The following AKR1A1 variants were observed in gnomAD, a reference collection of about 807,000 sequenced individuals.
AKR1A1 encodes the protein aldo-keto reductase family 1 member A1.
In AKR1A1, 26 loss-of-function variants were observed where a neutral mutation model predicts 39.2. The observed-to-expected ratio is 0.66, with a 90% CI of 0.49 to 0.92. The LOEUF is 0.92. Ranked by LOEUF, AKR1A1 falls within the 40% of genes least tolerant of loss-of-function variation. The pLI is 0.00. For missense variants in AKR1A1, 378 were observed against 406.5 expected (o/e 0.93, Z 0.60); for synonymous variants, 141 against 155.5 (o/e 0.91, Z 0.69).
At chr1:45,555,275 G>A (rs1368581267) in intron 1 of AKR1A1, among the ~76,000 whole-genome samples, 2 of 152,166 alleles carry the variant, frequency 1.3e-5, no homozygotes, top group African/African-American at 4.8e-5. Context: ...ATCACCTGAG[G>A]TCGGGAGTTC....
chr1:45,555,082 G>A (rs1268973419), intron 1 of AKR1A1, among the ~76,000 whole-genome samples: 1 of 152,018 alleles, frequency 6.6e-6, no homozygotes, highest in East Asian at 1.9e-4. Flanking sequence ...TTGGTCTTTT[G>A]GTGAGATAGA....
chr1:45,551,737 T>C (rs1325478929), intron 1 of AKR1A1, among the ~76,000 whole-genome samples: 2 of 152,250 alleles, frequency 1.3e-5, no homozygotes, highest in Non-Finnish European at 2.9e-5. Context: ...AAGATCTGTT[T>C]CCTTATCTTT....
intron 2 of AKR1A1, among the ~76,000 whole-genome samples, chr1:45,562,775 G>T (rs956458875): frequency 6.6e-6 from 1 of 151,956 alleles, no homozygotes; most frequent in Non-Finnish European, 1.5e-5. Context: ...CTCCCAAAGT[G>T]CTGGGATTAC....
intron 2 of AKR1A1, among the ~76,000 whole-genome samples, 173 bp from the exon 3 acceptor site, chr1:45,566,396 G>A (rs1644343843): frequency 6.6e-6 from 1 of 151,794 alleles, no homozygotes; most frequent in Non-Finnish European, 1.5e-5. Context: ...CCAAAGTGCT[G>A]GGATTACAGG....
At chr1:45,565,917 A>C (rs1644337867) in intron 2 of AKR1A1, among the ~76,000 whole-genome samples, 1 of 151,716 alleles carries the variant, frequency 6.6e-6, no homozygotes, top group Non-Finnish European at 1.5e-5. Context: ...GCTCAGCCTG[A>C]AAAAATATTT....
intron 2 of AKR1A1, among the ~76,000 whole-genome samples, chr1:45,565,913 CCTGAAAAAATATTTACTGAAGCCCT>C (rs1311123013): frequency 6.6e-6 from 1 of 151,546 alleles, no homozygotes; most frequent in Non-Finnish European, 1.5e-5. Context: ...CTGTGCTCAG[CCTGAAAAAATATTTACTGAAGCCCT>C]CTTTATGGTA....
At position 45,566,830 on chromosome 1, in the gene AKR1A1, C is replaced by T. The variant is rs543831063; in HGVS notation, c.205-39C>T. ...TTGAGGGTGGGTGAGACCACGTGCT[C>T]ATGGCTCTTCTCACTGTGGGCCCTG... On this transcript the variant is annotated intron_variant, in intron 3 of 8. Transcript: ENST00000351829. The T allele has an allele frequency of 3.8e-5, 61 of 1,606,294 alleles. No individual in the cohort carries two copies. In the Middle Eastern group the frequency reaches 3.4e-3, roughly 91 times the overall value.
intron 1 of AKR1A1, among the ~76,000 whole-genome samples, chr1:45,556,536 G>A (rs893730920): frequency 4.0e-5 from 6 of 151,566 alleles, no homozygotes; most frequent in African/African-American, 9.7e-5. Context: ...AGCCAAGATC[G>A]TGCCACTGTA....
intron 1 of AKR1A1, among the ~76,000 whole-genome samples, chr1:45,556,694 C>T (rs1015787233): frequency 4.0e-5 from 6 of 150,142 alleles, no homozygotes; most frequent in Non-Finnish European, 7.4e-5. Context: ...CTGGCCAATA[C>T]AGTGAAACCC....
Position 45,568,584 on chromosome 1 carries a change from C to G in AKR1A1, c.652C>G (p.Arg218Gly). 6.2e-7 allele frequency: 1 copy of G among 1,613,946 alleles called. No homozygotes were observed. The highest frequency in any genetic ancestry group is 1.7e-5 in the Admixed American group (1 of 60,020). Residue 218 changes from arginine (R) to glycine (G), a missense_variant, in exon 6 of 9, where the codon CGT (arginine) becomes GGT (glycine). Transcript: ENST00000351829. The part of the protein sequence containing the change: ...TAYSPLGSSD[R>G]AWRDPDEPVL... ...TTATAGCCCTTTGGGCTCCTCTGATCGTGCATGGCGTGATCCTGATGAGCC... is the reference window on the plus strand; with the variant it reads ...TTATAGCCCTTTGGGCTCCTCTGATGGTGCATGGCGTGATCCTGATGAGCC...
At chr1:45,566,817 G>A in intron 3 of AKR1A1, 52 bp from the exon 4 acceptor site, 1 of 1,600,836 alleles carries the variant, frequency 6.2e-7, no homozygotes, top group South Asian at 1.1e-5. Context: ...GAGGGTGGGT[G>A]AGACCACGTG....
rs1199390467 is a variant in AKR1A1, at chr1:45,566,955, G to C, written c.291G>C (p.Lys97Asn). 6.2e-7 allele frequency: 1 copy of C among 1,613,930 alleles called. No individual in the cohort carries two copies. Among genetic ancestry groups the C allele is most frequent in the Non-Finnish European group, 8.5e-7 (1 of 1,179,988 alleles). The stretch of plus-strand genomic sequence containing the variant: ...AGGATGTGGAGCCTGCCCTCCGGAA[G>C]ACTCTGGCTGACCTCCAGCTGGAGT... ...HPEDVEPALR[K>N]TLADLQLEYL... Residue 97 changes from lysine (K) to asparagine (N), a missense_variant, in exon 4 of 9, where the codon AAG (lysine) becomes AAC (asparagine). Transcript: ENST00000351829.
In AKR1A1 at chr1:45,559,508, T is replaced by A. The variant is rs188161222; in HGVS notation, c.-6-2281T>A. Among the ~76,000 whole-genome samples, 12 of 152,312 alleles carry A rather than the reference T, an allele frequency of 7.9e-5. No individual in the cohort carries two copies. The East Asian group carries it at 2.3e-3, about 29-fold the overall frequency. On this transcript the variant is annotated intron_variant, in intron 1 of 8. Coordinates refer to ENST00000351829, the MANE Select transcript of AKR1A1 (RefSeq NM_153326.3). Reference sequence around the variant, plus strand: ...TGTCAATATTTCTTTGTCCTTGCCCTTTTCTGTAGTACATCATACTTGTGT... The same window carrying A: ...TGTCAATATTTCTTTGTCCTTGCCCATTTCTGTAGTACATCATACTTGTGT...
chr1:45,559,978 G>A lies in AKR1A1; in HGVS notation c.-6-1811G>A, dbSNP rs186747645. Among the ~76,000 whole-genome samples the A allele has an allele frequency of 3.0e-4, 44 of 148,598 alleles. 1 individual carries two copies. The Middle Eastern group carries it at 0.036, about 121-fold the overall frequency. On this transcript the variant is annotated intron_variant, in intron 1 of 8. Transcript: ENST00000351829. ...GCCACTTCTTAGCTGTTGATTTGGA[G>A]CAAATAACTTCACTTTTTTTTTTTT...
At chr1:45,565,761 C>T (rs1467261499) in intron 2 of AKR1A1, among the ~76,000 whole-genome samples, 1 of 152,020 alleles carries the variant, frequency 6.6e-6, no homozygotes, top group African/African-American at 2.4e-5. Context: ...AGGCGTGAGC[C>T]ACCACGCCTG....
intron 4 of AKR1A1, chr1:45,567,251 T>G (rs988136303): frequency 3.6e-6 from 2 of 552,050 alleles, no homozygotes; most frequent in East Asian, 3.1e-5. Context: ...CCCCAGGGTA[T>G]GCACCTGTAA....
intron 2 of AKR1A1, among the ~76,000 whole-genome samples, chr1:45,564,704 G>A (rs116804395): frequency 3.8e-4 from 58 of 151,592 alleles, no homozygotes; most frequent in Non-Finnish European, 6.5e-4. Context: ...CAGCTCCTTA[G>A]AACCTGGAAC....
Position 45,550,849 on chromosome 1 carries a change from CAGG to C in AKR1A1, c.-310_-308del, listed in dbSNP as rs1381804501. 6.6e-6 allele frequency: 1 copy of C among 152,476 alleles called. No homozygotes were observed. The highest frequency in any genetic ancestry group is 1.5e-5 in the Non-Finnish European group (1 of 68,240). The allele number at this position is 152,476 out of a possible 1,614,324, so 9.4% of individuals were successfully genotyped here. Reference sequence around the variant, plus strand: ...CCAGCGCCACCTGCCTCATTGTGCCCAGGAGTTCTCCAAACCCGCGCTGCGGAG... The same window carrying C: ...CCAGCGCCACCTGCCTCATTGTGCCCAGTTCTCCAAACCCGCGCTGCGGAG... On this transcript the variant is annotated 5_prime_UTR_variant, in exon 1 of 9. Coordinates refer to ENST00000351829, the MANE Select transcript of AKR1A1 (RefSeq NM_153326.3).
chr1:45,559,500 C>G (rs1644249496), intron 1 of AKR1A1, among the ~76,000 whole-genome samples: 1 of 152,098 alleles, frequency 6.6e-6, no homozygotes, highest in African/African-American at 2.4e-5. Context: ...ATTTCTTTGT[C>G]CTTGCCCTTT....
Sources: allele counts gnomAD v4.1 joint callset (sites outside exome capture counted in the v4.1 genomes callset), GRCh38; gene constraint gnomAD v4.1.1; transcripts MANE v1.5; gene names NCBI Gene and HGNC (gene_info 2026-07-23, HGNC 2026-07-21).